Variants in PARD3 observed in about 807,000 individuals in gnomAD.
PARD3 encodes the protein par-3 family cell polarity regulator.
PARD3 carries 75 observed loss-of-function variants against 155.4 expected under a neutral mutation model. That is an observed-to-expected ratio of 0.48 (90% CI 0.40 to 0.58). The LOEUF is 0.58. PARD3 is among the 20% of genes least tolerant of loss of function. PARD3 has a pLI of 0.00. For synonymous variants in PARD3, 576 were observed against 610.5 expected (o/e 0.94, Z 0.83); for missense variants, 1,642 against 1,721.7 (o/e 0.95, Z 0.82).
At chr10:34,247,222 A>G (rs1954011974) in intron 22 of PARD3, among the ~76,000 whole-genome samples, 1 of 152,208 alleles carries the variant, frequency 6.6e-6, no homozygotes, top group Admixed American at 6.5e-5. Flanking sequence ...AACAGACAGG[A>G]TAGACATGGT....
At chr10:34,800,465 G>T (rs898334542) in intron 1 of PARD3, among the ~76,000 whole-genome samples, 5 of 151,198 alleles carry the variant, frequency 3.3e-5, no homozygotes, top group African/African-American at 1.2e-4. Flanking sequence ...CAAAAAATTA[G>T]CCAGGCGTGG....
chr10:34,643,588 T>G (rs1189585198), intron 2 of PARD3, among the ~76,000 whole-genome samples: 1 of 152,242 alleles, frequency 6.6e-6, no homozygotes, highest in Non-Finnish European at 1.5e-5. Flanking sequence ...TTCAGAGCAT[T>G]ACACTTTAAA....
intron 4 of PARD3, among the ~76,000 whole-genome samples, chr10:34,461,610 A>AAAAT (rs1001843741): frequency 2.0e-5 from 3 of 152,222 alleles, no homozygotes; most frequent in South Asian, 2.1e-4. Context: ...CATCTCAAGA[A>AAAAT]AAATAAATAA....
chr10:34,605,424 A>C (rs2090163936), intron 2 of PARD3, among the ~76,000 whole-genome samples: 1 of 146,284 alleles, frequency 6.8e-6, no homozygotes, highest in South Asian at 2.1e-4. Context: ...CGATCTCCTG[A>C]CCTCATGATC....
chr10:34,210,989 TAGG>T (rs1488462114), intron 22 of PARD3, among the ~76,000 whole-genome samples: 2 of 152,074 alleles, frequency 1.3e-5, no homozygotes, highest in Non-Finnish European at 2.9e-5. Flanking sequence ...TTTATGGGCT[TAGG>T]AGGAGTGAGG....
At chr10:34,596,820 T>C (rs535373187) in intron 2 of PARD3, among the ~76,000 whole-genome samples, 1 of 152,206 alleles carries the variant, frequency 6.6e-6, no homozygotes. Flanking sequence ...GTGGCAGAGA[T>C]TTGCACTCAC....
chr10:34,377,196 A>G (rs1237797910), intron 10 of PARD3, among the ~76,000 whole-genome samples: 1 of 152,258 alleles, frequency 6.6e-6, no homozygotes, highest in African/African-American at 2.4e-5. Flanking sequence ...TGTTCTGAAT[A>G]CATTTCCACA....
chr10:34,238,959 T>C (rs571879342), intron 22 of PARD3, among the ~76,000 whole-genome samples: 24 of 152,336 alleles, frequency 1.6e-4, no homozygotes, highest in African/African-American at 5.5e-4. Flanking sequence ...TTTTAAACTT[T>C]TTTTTCTTCC....
chr10:34,250,723 T>A (rs866000104), intron 22 of PARD3, among the ~76,000 whole-genome samples: 78 of 151,900 alleles, frequency 5.1e-4, no homozygotes, highest in Middle Eastern at 6.8e-3. Flanking sequence ...CAAACATCAA[T>A]AATAGTACAC....
intron 1 of PARD3, among the ~76,000 whole-genome samples, chr10:34,699,436 G>A (rs941602866): frequency 1.3e-5 from 2 of 152,152 alleles, no homozygotes; most frequent in Non-Finnish European, 2.9e-5. Context: ...ATACAACTCC[G>A]TAGAACAGTG....
intron 2 of PARD3, among the ~76,000 whole-genome samples, chr10:34,639,539 G>A (rs2092600495): frequency 6.6e-6 from 1 of 152,136 alleles, no homozygotes; most frequent in Non-Finnish European, 1.5e-5. Context: ...ATGGTCTTGA[G>A]GCTCACATCT....
intron 17 of PARD3, 36 bp from the exon 18 acceptor site, chr10:34,336,279 T>C (rs772050036): frequency 2.1e-5 from 32 of 1,518,332 alleles, no homozygotes; most frequent in Non-Finnish European, 2.9e-5. Flanking sequence ...TTAGCCCAGT[T>C]AGTTCCCATA....
intron 2 of PARD3, among the ~76,000 whole-genome samples, chr10:34,671,447 T>C (rs1196747902): frequency 6.6e-6 from 1 of 152,224 alleles, no homozygotes; most frequent in Non-Finnish European, 1.5e-5. Flanking sequence ...CGTTGAAATC[T>C]TAATTTTAAA....
intron 12 of PARD3, among the ~76,000 whole-genome samples, chr10:34,365,131 A>AT (rs1483017217): frequency 6.6e-6 from 1 of 152,206 alleles, no homozygotes; most frequent in Non-Finnish European, 1.5e-5. Flanking sequence ...ACAGTTTGCC[A>AT]TTTTCTTAAG....
intron 3 of PARD3, among the ~76,000 whole-genome samples, chr10:34,511,980 A>G (rs1178893882): frequency 6.6e-6 from 1 of 152,194 alleles, no homozygotes; most frequent in Non-Finnish European, 1.5e-5. Flanking sequence ...TTTTCCAAAT[A>G]ATAAGCAACT....
intron 2 of PARD3, among the ~76,000 whole-genome samples, chr10:34,669,413 G>A (rs1011812785): frequency 6.6e-6 from 1 of 152,050 alleles, no homozygotes; most frequent in Non-Finnish European, 1.5e-5. Context: ...GTATACACAC[G>A]GACACAGAGT....
intron 22 of PARD3, among the ~76,000 whole-genome samples, chr10:34,147,095 T>TA (rs5784396): frequency 3.3e-4 from 49 of 148,852 alleles, no homozygotes; most frequent in East Asian, 1.8e-3. Context: ...ATATTTAACT[T>TA]AAAAAAAAAA....
intron 1 of PARD3, among the ~76,000 whole-genome samples, chr10:34,703,708 A>G (rs189510820): frequency 1.3e-5 from 2 of 152,280 alleles, no homozygotes; most frequent in South Asian, 2.1e-4. Flanking sequence ...CAGAAGAAAA[A>G]CAGAAGATTG....
At chr10:34,456,044 A>T (rs2077320698) in intron 4 of PARD3, among the ~76,000 whole-genome samples, 1 of 152,248 alleles carries the variant, frequency 6.6e-6, no homozygotes, top group Admixed American at 6.5e-5. Context: ...TGGAAAAGAC[A>T]AATGAAAGAG....
Sources: allele counts gnomAD v4.1 joint callset (sites outside exome capture counted in the v4.1 genomes callset), GRCh38; gene constraint gnomAD v4.1.1; transcripts MANE v1.5; gene names NCBI Gene and HGNC (gene_info 2026-07-23, HGNC 2026-07-21).